ATXN1: variants seen among roughly 807,000 people sequenced by gnomAD.
ATXN1 encodes the protein ataxin 1, also known as ataxin-1.
Under a neutral mutation model 56.4 loss-of-function variants are expected in ATXN1, and 8 were observed. The observed-to-expected ratio is 0.14, with a 90% CI of 0.08 to 0.26. ATXN1 has a LOEUF of 0.26. Among genes scored for constraint, ATXN1 ranks in the 10% least tolerant of loss-of-function variants. The probability of loss-of-function intolerance (pLI) is 1.00; values close to 1 mark genes in which losing one functional copy is unlikely to be tolerated. For synonymous variants in ATXN1, 514 were observed against 494.6 expected (o/e 1.04, Z -0.52); for missense variants, 987 against 1,106.5 (o/e 0.89, Z 1.53).
chr6:16,341,728 C>A (rs1188301225), intron 6 of ATXN1, among the ~76,000 whole-genome samples: 1 of 151,592 alleles, frequency 6.6e-6, no homozygotes, highest in Non-Finnish European at 1.5e-5. Context: ...ACCGTGTTAG[C>A]CAGGATGGTC....
chr6:16,507,767 CT>C (rs767821046), intron 5 of ATXN1, among the ~76,000 whole-genome samples: 4 of 152,124 alleles, frequency 2.6e-5, no homozygotes, highest in Non-Finnish European at 4.4e-5. Flanking sequence ...CCTAACAGAA[CT>C]GTTTTTCCTT....
At chr6:16,508,546 C>A (rs1761021900) in intron 5 of ATXN1, among the ~76,000 whole-genome samples, 1 of 152,044 alleles carries the variant, frequency 6.6e-6, no homozygotes, top group Non-Finnish European at 1.5e-5. Context: ...TCTGAAATAT[C>A]CCCTAAAAAA....
chr6:16,467,534 C>A (rs1195973214), intron 6 of ATXN1, among the ~76,000 whole-genome samples: 1 of 152,178 alleles, frequency 6.6e-6, no homozygotes, highest in African/African-American at 2.4e-5. Flanking sequence ...GAAGAACACG[C>A]ATCCCAGTGA....
intron 3 of ATXN1, among the ~76,000 whole-genome samples, chr6:16,651,175 G>C (rs1386722008): frequency 6.6e-6 from 1 of 152,198 alleles, no homozygotes; most frequent in African/African-American, 2.4e-5. Context: ...CAGCAGTCCA[G>C]GCAAGTGATG....
chr6:16,619,694 G>A (rs1364000460), intron 3 of ATXN1, among the ~76,000 whole-genome samples: 1 of 151,996 alleles, frequency 6.6e-6, no homozygotes, highest in East Asian at 1.9e-4. Flanking sequence ...CTGTGATCAG[G>A]GAAACAATAA....
chr6:16,714,181 CCACACACA>C (rs70999343), intron 2 of ATXN1, among the ~76,000 whole-genome samples: 10,170 of 137,388 alleles, frequency 0.074, 452 homozygotes, highest in East Asian at 0.17. Context: ...AAACCACACA[CCACACACA>C]CACACACACA....
At chr6:16,670,571 C>G (rs542190269) in intron 2 of ATXN1, among the ~76,000 whole-genome samples, 2 of 152,288 alleles carry the variant, frequency 1.3e-5, no homozygotes, top group African/African-American at 4.8e-5. Context: ...GATTTCCTTC[C>G]GTTTTTACTT....
chr6:16,570,758 T>C (rs2113749982), intron 4 of ATXN1, among the ~76,000 whole-genome samples: 1 of 152,324 alleles, frequency 6.6e-6, no homozygotes, highest in South Asian at 2.1e-4. Context: ...CTTATTTTAT[T>C]CATAAGTTGT....
At chr6:16,664,287 TG>T (rs1198235588) in intron 2 of ATXN1, among the ~76,000 whole-genome samples, 2 of 152,212 alleles carry the variant, frequency 1.3e-5, no homozygotes, top group African/African-American at 4.8e-5. Flanking sequence ...ATGAAGAGTA[TG>T]TTTTTTTAAG....
At chr6:16,590,373 A>G (rs957119334) in intron 3 of ATXN1, among the ~76,000 whole-genome samples, 2 of 152,260 alleles carry the variant, frequency 1.3e-5, no homozygotes, top group South Asian at 2.1e-4. Flanking sequence ...ACCAGTACAT[A>G]GTTGAACAGA....
chr6:16,575,883 G>A (rs1469192019), intron 4 of ATXN1, among the ~76,000 whole-genome samples: 2 of 152,104 alleles, frequency 1.3e-5, no homozygotes, highest in African/African-American at 4.8e-5. Flanking sequence ...CCCTTCTATT[G>A]TACTGCTTGC....
chr6:16,634,178 C>T (rs1047102579), intron 3 of ATXN1, among the ~76,000 whole-genome samples: 6 of 152,176 alleles, frequency 3.9e-5, no homozygotes, highest in Non-Finnish European at 7.3e-5. Flanking sequence ...AAACCACTTC[C>T]TCCCTTAATC....
At chr6:16,643,627 CAA>C (rs58223053) in intron 3 of ATXN1, among the ~76,000 whole-genome samples, 11 of 63,180 alleles carry the variant, frequency 1.7e-4, no homozygotes, top group African/African-American at 5.2e-4. Flanking sequence ...GAGACCCTGC[CAA>C]AAAAAAAAAA....
chr6:16,560,149 G>A (rs1240214682), intron 4 of ATXN1, among the ~76,000 whole-genome samples: 1 of 152,166 alleles, frequency 6.6e-6, no homozygotes, highest in East Asian at 1.9e-4. Flanking sequence ...ATTCTGCGTA[G>A]CTGAATTTTT....
intron 6 of ATXN1, among the ~76,000 whole-genome samples, chr6:16,357,158 G>A (rs933974546): frequency 2.0e-5 from 3 of 152,108 alleles, no homozygotes; most frequent in East Asian, 1.9e-4. Flanking sequence ...TATAGGTGGC[G>A]AAACAGGCCT....
intron 4 of ATXN1, among the ~76,000 whole-genome samples, chr6:16,566,062 A>G (rs928684440): frequency 1.3e-5 from 2 of 152,118 alleles, no homozygotes; most frequent in Admixed American, 1.3e-4. Flanking sequence ...GAGAAAAAGG[A>G]TTTTTCAGGA....
At chr6:16,715,067 G>A (rs1759610693) in intron 2 of ATXN1, among the ~76,000 whole-genome samples, 1 of 151,898 alleles carries the variant, frequency 6.6e-6, no homozygotes, top group African/African-American at 2.4e-5. Flanking sequence ...GCCCACCCTG[G>A]CCCCATTATT....
rs1759315994 is a variant in ATXN1, at chr6:16,702,830, A to T, written c.-614-44929T>A. On this transcript the variant is annotated intron_variant, in intron 2 of 7. Coordinates refer to ENST00000436367, the MANE Select transcript of ATXN1 (RefSeq NM_001128164.2). ...GGCAATCATTAAAAAGTCAGGAAAC[A>T]ACAGGTGCTGGAGAGGATGTGGAGA... Among the ~76,000 whole-genome samples the T allele has an allele frequency of 2.0e-5, 3 of 152,362 alleles. No individual in the cohort carries two copies. The South Asian group carries it at 6.2e-4, about 32-fold the overall frequency.
At chr6:16,484,801 A>AT (rs1760507327) in intron 6 of ATXN1, among the ~76,000 whole-genome samples, 1 of 151,852 alleles carries the variant, frequency 6.6e-6, no homozygotes, top group Admixed American at 6.6e-5. Flanking sequence ...AATTAGGAAC[A>AT]TTTTTTTTCC....
Sources: allele counts gnomAD v4.1 joint callset (sites outside exome capture counted in the v4.1 genomes callset), GRCh38; gene constraint gnomAD v4.1.1; transcripts MANE v1.5; gene names NCBI Gene and HGNC (gene_info 2026-07-23, HGNC 2026-07-21).